The following NRAP variants were observed in gnomAD, a reference collection of about 807,000 sequenced individuals.
NRAP encodes the protein nebulin related anchoring protein.
NRAP carries 189 observed loss-of-function variants against 225.9 expected under a neutral mutation model. The observed-to-expected ratio is 0.84, with a 90% CI of 0.74 to 0.94. The LOEUF is 0.94. NRAP is among the 40% of genes least tolerant of loss of function. NRAP has a pLI of 0.00. For synonymous variants in NRAP, 769 were observed against 790.7 expected (o/e 0.97, Z 0.46); for missense variants, 2,176 against 2,168.7 (o/e 1.00, Z -0.07).
At chr10:113,662,141 C>T (rs919586248) in intron 3 of NRAP, among the ~76,000 whole-genome samples, 9 of 152,288 alleles carry the variant, frequency 5.9e-5, no homozygotes, top group South Asian at 4.1e-4. Context: ...ATTTGTTACT[C>T]AAATGCACTT....
chr10:113,621,358 G>A (rs1370251375), intron 24 of NRAP, among the ~76,000 whole-genome samples: 1 of 151,816 alleles, frequency 6.6e-6, no homozygotes, highest in East Asian at 2.0e-4. Context: ...CTGTGTGACA[G>A]TCTGGCTGCA....
chr10:113,641,620 G>A (rs937492339), intron 12 of NRAP, 148 bp from the exon 13 acceptor site: 4 of 564,388 alleles, frequency 7.1e-6, no homozygotes, highest in South Asian at 5.2e-5. Flanking sequence ...TAAAAAATAA[G>A]GCAAACTTTT....
At position 113,590,908 on chromosome 10, in the gene NRAP, G is replaced by A. The variant is rs758170624; in HGVS notation, c.4645-19C>T. 3.0e-5 allele frequency: 49 copies of A among 1,609,656 alleles called. 1 individual carries two copies. In the South Asian group the frequency reaches 4.6e-4, roughly 15 times the overall value. On this transcript the variant is annotated intron_variant, in intron 39 of 41. Coordinates refer to ENST00000359988, the MANE Select transcript of NRAP (RefSeq NM_198060.4). ...ACCGGAACTGCAAGTCAGAGGAGCA[G>A]AGGCAGATCATGGGTGCCTACCTCC...
Position 113,605,759 on chromosome 10 carries a change from C to G in NRAP, c.3915+3G>C. On this transcript the variant is annotated splice_donor_region_variant and intron_variant, in intron 34 of 41. Transcript: ENST00000359988. ...AGATGGAAGGTCATATCATTCAACT[C>G]ACATCACTGGCTATATCTCCAGAGG... 1.9e-6 allele frequency: 3 copies of G among 1,584,942 alleles called. No homozygotes were observed. The highest frequency in any genetic ancestry group is 2.6e-6 in the Non-Finnish European group (3 of 1,153,724).
At chr10:113,594,085 C>G (rs550983583) in intron 38 of NRAP, among the ~76,000 whole-genome samples, 1 of 152,154 alleles carries the variant, frequency 6.6e-6, no homozygotes, top group Non-Finnish European at 1.5e-5. Flanking sequence ...ATTCCGTAGG[C>G]GCTTTGATTT....
chr10:113,615,808 G>A lies in NRAP; in HGVS notation c.2982C>T (p.Tyr994=). 1 of 1,581,826 alleles carries A rather than the reference G, an allele frequency of 6.3e-7. No homozygotes were observed. ...ISYTQAVDRL[Y]REQGENIKHH... Reference sequence around the variant, plus strand: ...GCTTTATGTTTTCTCCTTGTTCCCTGTATAATCTCTGTGGATGGAAGGAGG... The same window carrying A: ...GCTTTATGTTTTCTCCTTGTTCCCTATATAATCTCTGTGGATGGAAGGAGG... Residue 994 remains tyrosine (Y), a synonymous_variant, in exon 27 of 42, where the codon TAC becomes TAT. Coordinates refer to ENST00000359988, the MANE Select transcript of NRAP (RefSeq NM_198060.4).
chr10:113,649,980 G>A, intron 9 of NRAP, 57 bp downstream of exon 9: 1 of 979,572 alleles, frequency 1.0e-6, no homozygotes, highest in Middle Eastern at 2.1e-4. Context: ...CTGTGTCACA[G>A]CCTAGAATGG....
At chr10:113,648,473 A>C (rs200569228) in intron 9 of NRAP, among the ~76,000 whole-genome samples, 2,488 of 65,600 alleles carry the variant, frequency 0.038, 41 homozygotes, top group East Asian at 0.11. Context: ...CTCTCTATAT[A>C]TATATATATA....
Position 113,621,928 on chromosome 10 carries a change from C to T in NRAP, c.2710G>A (p.Ala904Thr). 1 of 1,614,162 alleles carries T rather than the reference C, an allele frequency of 6.2e-7. No individual in the cohort carries two copies. The highest frequency in any genetic ancestry group is 8.5e-7 in the Non-Finnish European group (1 of 1,180,006). The change falls in exon 24 of 42, where the codon GCT (alanine) becomes ACT (threonine). Residue 904 changes from alanine (A) to threonine (T), a missense_variant. Around this residue, in one of 3 missense-constraint regions of NRAP, gnomAD observed 1,708 missense variants for 1,695.5 expected, o/e 1.01. Coordinates refer to ENST00000359988, the MANE Select transcript of NRAP (RefSeq NM_198060.4). Reference protein sequence around the residue: ...GYKTAEHHFTALPTDMKVEWA... With the variant: ...GYKTAEHHFTTLPTDMKVEWA... Reference sequence around the variant, plus strand: ...TCCACCTTCATGTCTGTGGGCAAAGCCGTAAAGTGATGTTCCGCTGTCTTG... The same window carrying T: ...TCCACCTTCATGTCTGTGGGCAAAGTCGTAAAGTGATGTTCCGCTGTCTTG...
chr10:113,642,352 C>G (rs922726892), intron 12 of NRAP, among the ~76,000 whole-genome samples: 17 of 152,100 alleles, frequency 1.1e-4, no homozygotes, highest in African/African-American at 3.9e-4. Flanking sequence ...CCTCACTGTG[C>G]CTTACACAGT....
At position 113,623,476 on chromosome 10, in the gene NRAP, G is replaced by C. The variant is rs899393154; in HGVS notation, c.2457+53C>G. On this transcript the variant is annotated intron_variant, in intron 23 of 41. Transcript: ENST00000359988. ...CCCAGACACTCAGAGAATCTCCCCG[G>C]TATAAAAAGGCAGGATTCTGCGGTC... is the stretch of plus-strand genomic sequence containing the variant. 3.5e-6 allele frequency: 4 copies of C among 1,141,100 alleles called. No homozygotes were observed. The African/African-American group carries it at 6.1e-5, about 17-fold the overall frequency. 70.7% of individuals were successfully genotyped at this position (1,141,100 alleles called of 1,614,324 possible). A position where few individuals can be genotyped will look rare whatever the true frequency, so the allele number is the denominator to read the frequency against.
At chr10:113,663,318 T>A in intron 2 of NRAP, 34 bp downstream of exon 2, 1 of 1,249,026 alleles carries the variant, frequency 8.0e-7, no homozygotes, top group Non-Finnish European at 1.2e-6. Flanking sequence ...CAAATAAAAC[T>A]CAAGAGGTAG....
intron 32 of NRAP, among the ~76,000 whole-genome samples, chr10:113,606,525 C>T (rs942059512): frequency 2.6e-5 from 4 of 152,070 alleles, no homozygotes; most frequent in Non-Finnish European, 5.9e-5. Context: ...GAATAATAGG[C>T]CAGGGAAAGA....
chr10:113,605,661 G>A, intron 34 of NRAP, 101 bp downstream of exon 34: 3 of 777,906 alleles, frequency 3.9e-6, no homozygotes, highest in Non-Finnish European at 6.9e-6. Context: ...GTCTCACATG[G>A]TTATAGATTT....
chr10:113,603,782 G>A (rs1332880466), intron 35 of NRAP, among the ~76,000 whole-genome samples: 2 of 152,134 alleles, frequency 1.3e-5, no homozygotes, highest in Non-Finnish European at 1.5e-5. Context: ...CAGTTTGCCT[G>A]GAGTTCCCTA....
Position 113,604,652 on chromosome 10 carries a change from AGGTCCTCGG to A in NRAP, c.4175_4183del (p.Pro1392_Asp1394del), listed in dbSNP as rs764944418. 6.2e-7 allele frequency: 1 copy of A among 1,614,132 alleles called. No individual in the cohort carries two copies. The highest frequency in any genetic ancestry group is 8.5e-7 in the Non-Finnish European group (1 of 1,179,990). The stretch of plus-strand genomic sequence containing the variant: ...GGCTTTCTTGGCCCAGGCCATCTTC[AGGTCCTCGG>A]GCAGTGCTGTGAACTTGTGATACTG... On this transcript the variant is annotated inframe_deletion, in exon 35 of 42. Coordinates refer to ENST00000359988, the MANE Select transcript of NRAP (RefSeq NM_198060.4).
At chr10:113,632,569 G>C (rs1376263192) in intron 16 of NRAP, among the ~76,000 whole-genome samples, 2 of 152,200 alleles carry the variant, frequency 1.3e-5, no homozygotes, top group Admixed American at 1.3e-4. Context: ...GCCACCAACT[G>C]TGTCCCTACA....
At chr10:113,644,103 C>T (rs1461734808) in intron 11 of NRAP, among the ~76,000 whole-genome samples, 5 of 123,632 alleles carry the variant, frequency 4.0e-5, no homozygotes, top group Admixed American at 1.1e-4. Context: ...GCTGAGACTG[C>T]GCCATTGCAC....
At chr10:113,653,187 T>C (rs1452963763) in intron 5 of NRAP, 148 bp from the exon 6 acceptor site, 3 of 563,722 alleles carry the variant, frequency 5.3e-6, no homozygotes, top group South Asian at 4.9e-5. Flanking sequence ...TGGCTTATAA[T>C]TGACCATTTG....
Sources: gnomAD v4.1 joint callset for allele counts (sites outside exome capture counted in the v4.1 genomes callset) on GRCh38, gnomAD v4.1.1 for gene constraint, gnomAD v4.1.1 regional missense constraint, MANE v1.5 for transcripts, NCBI Gene and HGNC (gene_info 2026-07-23, HGNC 2026-07-21) for gene names.